The following PLCH2 variants were observed in gnomAD, a reference collection of about 807,000 sequenced individuals.
The protein encoded by PLCH2 is 1-phosphatidylinositol 4,5-bisphosphate phosphodiesterase eta-2.
PLCH2 carries 98 observed loss-of-function variants against 134.7 expected under a neutral mutation model. The ratio of observed to expected loss-of-function variants is 0.73; its 90% CI spans 0.62 to 0.86. The LOEUF (loss-of-function observed/expected upper bound fraction) is 0.86. PLCH2 is among the 40% of genes least tolerant of loss of function. The pLI is 0.00. For synonymous variants in PLCH2, 974 were observed against 827.5 expected (o/e 1.18, Z -3.04); for missense variants, 1,994 against 1,986.6 (o/e 1.00, Z -0.07).
intron 2 of PLCH2, among the ~76,000 whole-genome samples, chr1:2,432,376 C>T (rs1029952929): frequency 1.3e-5 from 2 of 152,186 alleles, no homozygotes; most frequent in African/African-American, 2.4e-5. Flanking sequence ...GGCCGTGGGA[C>T]AGCACTGGGG....
rs1642913157 is a variant in PLCH2 at position 2,496,747 on chromosome 1, T to C, written c.1933+43T>C. On this transcript the variant is annotated intron_variant, in intron 14 of 21. Transcript: ENST00000378486. ...CTGGGGCCACGGGCGGAGGCCTCCC[T>C]GTCCCCCATCCCTGCTATGCTGCTG... 3 of 1,609,626 alleles carry C rather than the reference T, an allele frequency of 1.9e-6. No homozygotes were observed. The African/African-American group carries it at 4.0e-5, about 21-fold the overall frequency.
At chr1:2,478,990 A>G (rs1395244016) in intron 2 of PLCH2, 2 of 252,806 alleles carry the variant, frequency 7.9e-6, no homozygotes, top group African/African-American at 4.3e-5. Context: ...TATGGGTGCA[A>G]ACAGTGGCTC....
intron 10 of PLCH2, 80 bp from the exon 11 acceptor site, chr1:2,491,112 C>A: frequency 7.2e-7 from 1 of 1,381,030 alleles, no homozygotes; most frequent in Non-Finnish European, 9.9e-7. Flanking sequence ...GGGCAGAGTG[C>A]TGTGACCCTG....
intron 2 of PLCH2, among the ~76,000 whole-genome samples, chr1:2,461,665 C>A (rs530794088): frequency 6.6e-6 from 1 of 152,310 alleles, no homozygotes; most frequent in Non-Finnish European, 1.5e-5. Context: ...CCATGCCTCC[C>A]GCCTCTGTGG....
At chr1:2,423,895 GCCTGCAC>G (rs966644233), upstream of PLCH2, among the ~76,000 whole-genome samples, 27 of 152,214 alleles carry the variant, frequency 1.8e-4, no homozygotes, top group Middle Eastern at 3.4e-3. Flanking sequence ...TCGTGACGCT[GCCTGCAC>G]CACCAGCTTA....
intron 8 of PLCH2, among the ~76,000 whole-genome samples, chr1:2,488,106 G>A (rs1211757569): frequency 1.3e-5 from 2 of 152,226 alleles, no homozygotes; most frequent in Admixed American, 6.5e-5. Flanking sequence ...TTAGAAGACC[G>A]CCTCCCCGTG....
At chr1:2,429,848 G>A (rs367833325) in intron 1 of PLCH2, among the ~76,000 whole-genome samples, 2 of 152,158 alleles carry the variant, frequency 1.3e-5, no homozygotes, top group Non-Finnish European at 2.9e-5. Flanking sequence ...AGTACCTCCT[G>A]TACCCAGCAC....
intron 2 of PLCH2, among the ~76,000 whole-genome samples, chr1:2,446,248 A>C (rs932260422): frequency 6.6e-6 from 1 of 152,200 alleles, no homozygotes; most frequent in Non-Finnish European, 1.5e-5. Flanking sequence ...CACAGGCCCC[A>C]CTGGGACTCT....
intron 2 of PLCH2, among the ~76,000 whole-genome samples, chr1:2,450,281 C>A (rs1465155565): frequency 6.6e-6 from 1 of 152,092 alleles, no homozygotes; most frequent in African/African-American, 2.4e-5. Context: ...CCCAGCCATT[C>A]CCTCCCTCCC....
intron 4 of PLCH2, among the ~76,000 whole-genome samples, chr1:2,482,925 G>A (rs769139697): frequency 2.0e-4 from 31 of 152,196 alleles, no homozygotes; most frequent in Non-Finnish European, 3.4e-4. Flanking sequence ...CATGGCCAGC[G>A]TGCAGGTGGC....
Position 2,497,622 on chromosome 1 carries a change from G to A in PLCH2, c.2224+13G>A. On this transcript the variant is annotated intron_variant, in intron 16 of 21. Transcript: ENST00000378486. ...TGCATGTGCCAGGGTGAGGCACTCG[G>A]ACACTCAGGGCTCGGACGCTCAGGG... is the stretch of plus-strand genomic sequence containing the variant. 5 of 1,525,900 alleles carry A rather than the reference G, an allele frequency of 3.3e-6. No individual in the cohort carries two copies. Among genetic ancestry groups the A allele is most frequent in the Non-Finnish European group, 4.4e-6 (5 of 1,124,122 alleles). 94.5% of individuals were successfully genotyped at this position (1,525,900 alleles called of 1,614,324 possible).
At chr1:2,424,879 G>A (rs1284995439), upstream of PLCH2, among the ~76,000 whole-genome samples, 9 of 152,128 alleles carry the variant, frequency 5.9e-5, no homozygotes, top group South Asian at 6.2e-4. Context: ...CCAGTTACTC[G>A]GGAGGCTGAG....
chr1:2,436,355 C>G (rs1404394479), intron 2 of PLCH2, among the ~76,000 whole-genome samples: 1 of 64,652 alleles, frequency 1.5e-5, no homozygotes, highest in Non-Finnish European at 3.8e-5. Context: ...TTCCTCCCTT[C>G]CTCCCTCCTC....
chr1:2,469,552 C>T (rs1428572770), intron 1 of PLCH2, among the ~76,000 whole-genome samples: 1 of 150,342 alleles, frequency 6.7e-6, no homozygotes, highest in African/African-American at 2.4e-5. Flanking sequence ...TGGCCCTGCC[C>T]GGGCAGTGCC....
chr1:2,465,390 G>A (rs1019248764), upstream of PLCH2, among the ~76,000 whole-genome samples: 5 of 152,342 alleles, frequency 3.3e-5, no homozygotes, highest in South Asian at 2.1e-4. Context: ...CTCCGGCCAA[G>A]GCAGAAGCTG....
At chr1:2,433,043 C>G (rs573923733) in intron 2 of PLCH2, among the ~76,000 whole-genome samples, 95 of 152,328 alleles carry the variant, frequency 6.2e-4, no homozygotes, top group South Asian at 8.3e-4. Context: ...AGGTTGGGGC[C>G]GTGTTTCCCT....
chr1:2,490,180 C>T (rs1008880380), intron 10 of PLCH2, among the ~76,000 whole-genome samples: 2 of 152,208 alleles, frequency 1.3e-5, no homozygotes, highest in Admixed American at 6.5e-5. Flanking sequence ...CTGGGTCCCA[C>T]GCCAGACTCC....
rs1241654419 is a variant in PLCH2, at chr1:2,504,128, C to T, written c.3166C>T (p.Pro1056Ser). The T allele has an allele frequency of 1.3e-6, 2 of 1,523,080 alleles. No individual in the cohort carries two copies. The highest frequency in any genetic ancestry group is 1.8e-6 in the Non-Finnish European group (2 of 1,136,354). 94.3% of individuals were successfully genotyped at this position (1,523,080 alleles called of 1,614,324 possible). The change falls in exon 22 of 22, where the codon CCT becomes TCT. Residue 1056 changes from proline to serine, a missense_variant. Pro to Ser is a moderately conservative substitution (Grantham distance 74, BLOSUM62 -1). Transcript: ENST00000378486. ...CACTGAGGAGCCCCGAGACAGCAGGCCTCGGCCGTGCAACGGCGAGGGCGC... is the reference window on the plus strand; with the variant it reads ...CACTGAGGAGCCCCGAGACAGCAGGTCTCGGCCGTGCAACGGCGAGGGCGC... The part of the protein sequence containing the change: ...EDTEEPRDSR[P>S]RPCNGEGAGG...
rs1246901370 is a variant in PLCH2, at chr1:2,502,198, G to A, written c.2748G>A (p.Pro916=). The A allele has an allele frequency of 4.6e-6, 7 of 1,536,430 alleles. No individual in the cohort carries two copies. The highest frequency in any genetic ancestry group is 2.8e-5 in the African/African-American group (2 of 72,266). ...SLDSHAAGRP[P]ARPSVSQRIL... is the part of the protein sequence containing the mutation. ...ACAGTCATGCTGCTGGGCGGCCCCC[G>A]GCCCGGCCCTCCGTTAGCCAGCGGA... The change falls in exon 21 of 22, where the codon CCG becomes CCA. Residue 916 remains proline (P), a synonymous_variant. Coordinates refer to ENST00000378486, the MANE Select transcript of PLCH2 (RefSeq NM_014638.4).
Sources: allele counts gnomAD v4.1 joint callset (sites outside exome capture counted in the v4.1 genomes callset), GRCh38; gene constraint gnomAD v4.1.1; transcripts MANE v1.5; gene names NCBI Gene and HGNC (gene_info 2026-07-23, HGNC 2026-07-21).